Variants in GLRA3 observed in about 807,000 individuals in gnomAD.
GLRA3 encodes the protein glycine receptor subunit alpha-3.
Under a neutral mutation model 60.4 loss-of-function variants are expected in GLRA3, and 44 were observed. That is an observed-to-expected ratio of 0.73 (90% CI 0.57 to 0.94). The LOEUF is 0.94. Ranked by LOEUF, GLRA3 falls within the 40% of genes least tolerant of loss-of-function variation. The pLI is 0.00. For synonymous variants in GLRA3, 223 were observed against 192.9 expected (o/e 1.16, Z -1.29); for missense variants, 508 against 564.6 (o/e 0.90, Z 1.02).
intron 5 of GLRA3, among the ~76,000 whole-genome samples, chr4:174,712,305 C>A (rs901687255): frequency 1.3e-5 from 2 of 152,048 alleles, no homozygotes; most frequent in African/African-American, 4.8e-5. Context: ...ATTTGCTTAT[C>A]ATCTTTAATT....
chr4:174,741,659 C>T (rs902405664), intron 3 of GLRA3, among the ~76,000 whole-genome samples: 2 of 151,966 alleles, frequency 1.3e-5, no homozygotes, highest in Admixed American at 6.6e-5. Context: ...AGCTCGTTAC[C>T]TAACCCAAAG....
chr4:174,732,089 G>A (rs1016508065), intron 3 of GLRA3, among the ~76,000 whole-genome samples: 61 of 152,326 alleles, frequency 4.0e-4, no homozygotes, highest in African/African-American at 1.4e-3. Flanking sequence ...AGGTGCAGTG[G>A]CTTATGCCTT....
chr4:174,656,776 A>G lies in GLRA3; in HGVS notation c.1083T>C (p.Phe361=). 1 of 1,585,608 alleles carries G rather than the reference A, an allele frequency of 6.3e-7. No individual in the cohort carries two copies. The highest frequency in any genetic ancestry group is 8.7e-7 in the Non-Finnish European group (1 of 1,154,456). Residue 361 remains phenylalanine, a synonymous_variant, in exon 9 of 10, where the codon TTT becomes TTC. Transcript: ENST00000274093. ...AGAAACGGTAAAACTTCTCCAGTGC[A>G]AAAGCTTCTGTCTGTGGGAAGGTAA... ...RRKRKNKTEA[F]ALEKFYRFSD...
At chr4:174,695,396 A>G (rs2111027877) in intron 5 of GLRA3, among the ~76,000 whole-genome samples, 1 of 152,300 alleles carries the variant, frequency 6.6e-6, no homozygotes, top group South Asian at 2.1e-4. Flanking sequence ...CACCATGATC[A>G]AGTAGGCTTC....
rs931666917 is a variant in GLRA3 at position 174,639,061 on chromosome 4, C to T, written c.*4725G>A. 1.3e-5 allele frequency: 2 copies of T among 152,162 alleles called. No individual in the cohort carries two copies. The highest frequency in any genetic ancestry group is 2.9e-5 in the Non-Finnish European group (2 of 68,030). 9.4% of individuals were successfully genotyped at this position (152,162 alleles called of 1,614,324 possible). A position where few individuals can be genotyped will look rare whatever the true frequency, so the allele number is the denominator to read the frequency against. On this transcript the variant is annotated 3_prime_UTR_variant, in exon 10 of 10. Transcript: ENST00000274093. ...GACACTACAAAGTCATCCAATATTA[C>T]TAGCTGTCTTTTGAAAAAGGTTTTT...
chr4:174,816,062 C>A (rs1188354952), intron 1 of GLRA3, among the ~76,000 whole-genome samples: 1 of 152,110 alleles, frequency 6.6e-6, no homozygotes, highest in African/African-American at 2.4e-5. Flanking sequence ...CAAACCATAT[C>A]CCTTGATAAA....
chr4:174,828,868 A>T lies in GLRA3; in HGVS notation c.-57T>A. The T allele has an allele frequency of 8.8e-7, 1 of 1,135,876 alleles. No homozygotes were observed. The highest frequency in any genetic ancestry group is 1.3e-6 in the Non-Finnish European group (1 of 743,440). The allele number at this position is 1,135,876 out of a possible 1,614,324, so 70.4% of individuals were successfully genotyped here. ...AGTCTTATCCAAGGCATGGGGAACC[A>T]GAAAGACAGAATGAAAATGTACAAT... is the stretch of plus-strand genomic sequence containing the variant. On this transcript the variant is annotated 5_prime_UTR_variant, in exon 1 of 10. Transcript: ENST00000274093.
chr4:174,758,882 CTG>C (rs899891295), intron 3 of GLRA3, among the ~76,000 whole-genome samples: 1 of 151,638 alleles, frequency 6.6e-6, no homozygotes, highest in African/African-American at 2.4e-5. Context: ...AAACATAGTT[CTG>C]AGTAACTGAG....
intron 4 of GLRA3, among the ~76,000 whole-genome samples, chr4:174,727,285 C>T (rs904727470): frequency 6.6e-6 from 1 of 152,138 alleles, no homozygotes; most frequent in African/African-American, 2.4e-5. Context: ...ATTTTAGAAT[C>T]CTACTATTTT....
At chr4:174,741,593 A>T (rs1737028414) in intron 3 of GLRA3, among the ~76,000 whole-genome samples, 1 of 141,568 alleles carries the variant, frequency 7.1e-6, no homozygotes, top group Admixed American at 6.8e-5. Context: ...TATGATAAAG[A>T]TCCCTTTATC....
chr4:174,658,759 T>A (rs1733310010), intron 8 of GLRA3, among the ~76,000 whole-genome samples: 2 of 152,138 alleles, frequency 1.3e-5, no homozygotes, highest in African/African-American at 4.8e-5. Context: ...AAGTAAGAAA[T>A]GACATAATTC....
chr4:174,792,364 G>A (rs918362822), intron 1 of GLRA3, among the ~76,000 whole-genome samples: 2 of 151,944 alleles, frequency 1.3e-5, no homozygotes, highest in Admixed American at 1.3e-4. Flanking sequence ...TTCTTCACGT[G>A]TGTCTGTTCT....
At chr4:174,755,795 A>C (rs1425791114) in intron 3 of GLRA3, among the ~76,000 whole-genome samples, 1 of 152,098 alleles carries the variant, frequency 6.6e-6, no homozygotes, top group Non-Finnish European at 1.5e-5. Flanking sequence ...GAAGAGACAA[A>C]AACGAACTAT....
Position 174,788,927 on chromosome 4 carries a change from C to G in GLRA3, c.88G>C (p.Glu30Gln). The G allele has an allele frequency of 1.3e-6, 2 of 1,590,336 alleles. No individual in the cohort carries two copies. The highest frequency in any genetic ancestry group is 1.4e-5 in the African/African-American group (1 of 73,856). Residue 30 changes from glutamate to glutamine, a missense_variant, in exon 2 of 10, where the codon GAA (glutamate) becomes CAA (glutamine). By Grantham distance (29) the Glu-to-Gln change is conservative (BLOSUM62 2). This residue lies in a region of GLRA3 where 329 missense variants were observed against 349.3 expected (regional missense o/e 0.94). Transcript: ENST00000274093. Reference protein sequence around the residue: ...ALLLSLVATKETDSARSRSAP... With the variant: ...ALLLSLVATKQTDSARSRSAP... ...CTTCGAGATCTTGCACTGTCTGTTT[C>G]CTTTGTGGCAACCAAACTACAAATA...
intron 5 of GLRA3, among the ~76,000 whole-genome samples, chr4:174,713,202 TG>T (rs1735788236): frequency 1.3e-5 from 2 of 151,990 alleles, no homozygotes; most frequent in Admixed American, 1.3e-4. Context: ...AAGAACCCCT[TG>T]AACAATCCAC....
At chr4:174,771,936 G>A (rs899987860) in intron 2 of GLRA3, among the ~76,000 whole-genome samples, 2 of 152,166 alleles carry the variant, frequency 1.3e-5, no homozygotes, top group African/African-American at 4.8e-5. Context: ...TGAAGTTAGT[G>A]AAATCTGTGC....
rs202063677 is a variant in GLRA3 at position 174,828,660 on chromosome 4, C to G, written c.71+81G>C. ...AGTCAATATAGAATTGCAAATTTCC[C>G]GGTCTCATCAATAACAAGTGGTTGC... On this transcript the variant is annotated intron_variant, in intron 1 of 9. Transcript: ENST00000274093. The G allele has an allele frequency of 3.0e-5, 25 of 827,068 alleles. No homozygotes were observed. The East Asian group carries it at 3.9e-4, about 13-fold the overall frequency. The allele number at this position is 827,068 out of a possible 1,614,324, so 51.2% of individuals were successfully genotyped here.
rs1421650391 is a variant in GLRA3 at position 174,641,351 on chromosome 4, C to G, written c.*2435G>C. ...TTGAGGCAAATATTATCTCAGGATG[C>G]TAACTGCAATGTAATTTTTCAGTTT... On this transcript the variant is annotated 3_prime_UTR_variant, in exon 10 of 10. Transcript: ENST00000274093. 2.6e-5 allele frequency: 4 copies of G among 152,078 alleles called. No individual in the cohort carries two copies. The East Asian group carries it at 7.7e-4, about 29-fold the overall frequency. 9.4% of individuals were successfully genotyped at this position (152,078 alleles called of 1,614,324 possible).
rs144647806 is a variant in GLRA3 at position 174,754,169 on chromosome 4, T to C, written c.267+12794A>G. 1.2e-3 allele frequency among the ~76,000 whole-genome samples: 179 copies of C among 152,296 alleles called. 1 individual carries two copies. The highest frequency in any genetic ancestry group is 3.9e-3 in the African/African-American group (164 of 41,586). On this transcript the variant is annotated intron_variant, in intron 3 of 9. Transcript: ENST00000274093. ...TGAGCATGATGATTATAAGGATGAC[T>C]TGGTGGATGAATTCATTAAGCAGAG...
Sources: allele counts gnomAD v4.1 joint callset (sites outside exome capture counted in the v4.1 genomes callset), GRCh38; gene constraint gnomAD v4.1.1; regional missense constraint gnomAD v4.1.1; transcripts MANE v1.5; gene names NCBI Gene and HGNC (gene_info 2026-07-23, HGNC 2026-07-21).